ABCB4: variants seen among roughly 807,000 people sequenced by gnomAD.
ABCB4 encodes the protein phosphatidylcholine translocator ABCB4.
Under a neutral mutation model 145.7 loss-of-function variants are expected in ABCB4, and 76 were observed. That is an observed-to-expected ratio of 0.52 (90% CI 0.43 to 0.63). The LOEUF (loss-of-function observed/expected upper bound fraction) is 0.63. Ranked by LOEUF, ABCB4 falls within the 30% of genes least tolerant of loss-of-function variation. The pLI is 0.00. For missense variants in ABCB4, 1,234 were observed against 1,553.1 expected (o/e 0.79, Z 3.45); for synonymous variants, 517 against 566.8 (o/e 0.91, Z 1.25).
At chr7:87,389,565 T>C in the ABCB4 span, among the ~76,000 whole-genome samples, 6 of 151,092 alleles carry the variant, frequency 4.0e-5, no homozygotes, top group East Asian at 3.9e-4. Flanking sequence ...TAAGTGGGAG[T>C]TGAACAATGA....
At chr7:87,467,540 T>C (rs1285021785) in intron 3 of ABCB4, among the ~76,000 whole-genome samples, 2 of 152,112 alleles carry the variant, frequency 1.3e-5, no homozygotes, top group African/African-American at 2.4e-5. Flanking sequence ...CTGCACCAAG[T>C]GGACCTAATA....
intron 18 of ABCB4, 118 bp downstream of exon 18, chr7:87,422,003 A>G (rs1480082159): frequency 4.2e-5 from 32 of 764,946 alleles, no homozygotes; most frequent in Non-Finnish European, 1.6e-5. Context: ...GCAGAGCCTT[A>G]TGCCAATCAT....
At chr7:87,394,033 C>A in the ABCB4 span, among the ~76,000 whole-genome samples, 2 of 152,212 alleles carry the variant, frequency 1.3e-5, no homozygotes, top group African/African-American at 4.8e-5. Context: ...ATCTACTATA[C>A]AAAGTTGAAA....
In ABCB4 at chr7:87,439,691, A is replaced by G; in HGVS notation, c.1707T>C (p.Ala569=). Residue 569 remains alanine (A), a synonymous_variant, in exon 14 of 28, where the codon GCT becomes GCC. Coordinates refer to ENST00000649586, the MANE Select transcript of ABCB4 (RefSeq NM_000443.4). ...ATSALDTESE[A]EVQAALDKAR... ...CCTTATCCAGAGCTGCCTGTACCTC[A>G]GCTTCACTTTCTGTGTCCAATGCTG... 3 of 1,614,146 alleles carry G rather than the reference A, an allele frequency of 1.9e-6. No individual in the cohort carries two copies. The highest frequency in any genetic ancestry group is 2.5e-6 in the Non-Finnish European group (3 of 1,180,014).
intron 9 of ABCB4, 99 bp downstream of exon 9, chr7:87,446,935 A>T: frequency 1.9e-6 from 2 of 1,063,726 alleles, no homozygotes; most frequent in Non-Finnish European, 2.8e-6. Flanking sequence ...ACCTATAATC[A>T]TGTTCATCTT....
intron 26 of ABCB4, 103 bp downstream of exon 26, chr7:87,406,185 G>A (rs996278788): frequency 2.4e-4 from 292 of 1,238,596 alleles, no homozygotes; most frequent in Non-Finnish European, 2.8e-5. Flanking sequence ...GTTAATGTTA[G>A]TAAATCAACA....
the ABCB4 span, among the ~76,000 whole-genome samples, chr7:87,367,562 C>G: frequency 1.3e-5 from 2 of 152,316 alleles, no homozygotes; most frequent in African/African-American, 4.8e-5. Context: ...TGCCCATTCT[C>G]TACCCCCTTG....
the ABCB4 span, among the ~76,000 whole-genome samples, chr7:87,394,713 A>G: frequency 4.7e-3 from 711 of 152,238 alleles, 13 homozygotes; most frequent in South Asian, 0.063. Flanking sequence ...TTCTTGCTAT[A>G]AAAAGGCATA....
intron 8 of ABCB4, among the ~76,000 whole-genome samples, chr7:87,447,796 T>TA (rs1311204547): frequency 1.3e-5 from 2 of 152,220 alleles, no homozygotes. Flanking sequence ...AGTCACTACT[T>TA]ATGGAATATG....
At chr7:87,444,606 T>C (rs1811217723) in intron 10 of ABCB4, among the ~76,000 whole-genome samples, 1 of 152,184 alleles carries the variant, frequency 6.6e-6, no homozygotes, top group African/African-American at 2.4e-5. Flanking sequence ...ACGTCTTTGC[T>C]CTGCACTAGT....
At chr7:87,473,673 T>C (rs964216655) in intron 2 of ABCB4, among the ~76,000 whole-genome samples, 2 of 152,208 alleles carry the variant, frequency 1.3e-5, no homozygotes, top group Admixed American at 6.5e-5. Context: ...ACTTATTTAG[T>C]ATGTACATTA....
At chr7:87,373,238 C>T in the ABCB4 span, among the ~76,000 whole-genome samples, 1 of 151,992 alleles carries the variant, frequency 6.6e-6, no homozygotes, top group Non-Finnish European at 1.5e-5. Context: ...TATATATCTT[C>T]CTTGGAGAGA....
chr7:87,474,147 G>GT (rs1181640901), intron 2 of ABCB4, among the ~76,000 whole-genome samples: 1 of 152,174 alleles, frequency 6.6e-6, no homozygotes, highest in Non-Finnish European at 1.5e-5. Flanking sequence ...GTTCTGAAGT[G>GT]TTACTACACC....
At chr7:87,454,935 A>C (rs1001127126) in intron 4 of ABCB4, among the ~76,000 whole-genome samples, 27 of 152,190 alleles carry the variant, frequency 1.8e-4, no homozygotes, top group African/African-American at 6.0e-4. Context: ...CACAAAACAC[A>C]CAGAAGACAG....
At chr7:87,447,849 A>T (rs1007460621) in intron 8 of ABCB4, among the ~76,000 whole-genome samples, 1 of 152,256 alleles carries the variant, frequency 6.6e-6, no homozygotes, top group Admixed American at 6.5e-5. Flanking sequence ...CATATATGAA[A>T]AATGGATTTA....
At chr7:87,470,610 T>C (rs1813307601) in intron 3 of ABCB4, among the ~76,000 whole-genome samples, 1 of 152,156 alleles carries the variant, frequency 6.6e-6, no homozygotes, top group Non-Finnish European at 1.5e-5. Flanking sequence ...AATAGACACA[T>C]GAAAAAATGC....
Position 87,409,313 on chromosome 7 carries a change from G to A in ABCB4, c.3004C>T (p.Leu1002=), listed in dbSNP as rs1242439596. The change falls in exon 24 of 28, where the codon CTG becomes TTG. Residue 1002 remains leucine, a synonymous_variant. Transcript: ENST00000649586. ...SFAPDYAKAK[L]SAAHLFMLFE... ...AGCATGAATAAGTGGGCTGCAGACA[G>A]CTTAGCTTTAGCATAGTCTGGAGCA... 2 of 1,614,080 alleles carry A rather than the reference G, an allele frequency of 1.2e-6. No homozygotes were observed. Among genetic ancestry groups the A allele is most frequent in the Admixed American group, 3.3e-5 (2 of 60,020 alleles).
At chr7:87,452,029 G>C (rs1811768953) in intron 6 of ABCB4, among the ~76,000 whole-genome samples, 1 of 152,174 alleles carries the variant, frequency 6.6e-6, no homozygotes, top group South Asian at 2.1e-4. Context: ...TATTAAATGA[G>C]TCAATCCTAT....
At chr7:87,398,192 C>A (rs1307230682), downstream of ABCB4, 7 of 439,712 alleles carry the variant, frequency 1.6e-5, no homozygotes, top group African/African-American at 8.2e-5. Context: ...TATTCCAACT[C>A]ATTCCAGTAG....
Sources: gnomAD v4.1 joint callset for allele counts (sites outside exome capture counted in the v4.1 genomes callset) on GRCh38, gnomAD v4.1.1 for gene constraint, MANE v1.5 for transcripts, NCBI Gene and HGNC (gene_info 2026-07-23, HGNC 2026-07-21) for gene names.